Variants in VAT1L observed in about 807,000 individuals in gnomAD.
The protein encoded by VAT1L is vesicle amine transport 1 like.
Under a neutral mutation model 44.1 loss-of-function variants are expected in VAT1L, and 34 were observed. The ratio of observed to expected loss-of-function variants is 0.77; its 90% CI spans 0.59 to 1.03. VAT1L has a LOEUF of 1.03. Among genes scored for constraint, VAT1L ranks in the 50% least tolerant of loss-of-function variants. The pLI is 0.00. For synonymous variants in VAT1L, 253 were observed against 202.2 expected, an observed-to-expected ratio of 1.25 and a Z score of -2.13; for missense variants, 615 against 538.8, an observed-to-expected ratio of 1.14 and a Z score of -1.40.
At chr16:77,933,335 C>T (rs2017753794) in intron 7 of VAT1L, among the ~76,000 whole-genome samples, 1 of 152,152 alleles carries the variant, frequency 6.6e-6, no homozygotes, top group Admixed American at 6.5e-5. Context: ...CTTCCTGACT[C>T]CAAAAACTGT....
chr16:77,862,804 A>T lies in VAT1L; in HGVS notation c.636A>T (p.Thr212=). Residue 212 remains threonine (T), a synonymous_variant, in exon 4 of 9, where the codon ACA becomes ACT. Transcript: ENST00000302536. ...STVPNVTVFG[T]ASTFKHEAIK... is the part of the protein sequence containing the mutation. ...TCCCCAACGTGACTGTCTTTGGAAC[A>T]GCCTCTACTTTCAAGCATGAAGCAA... is the stretch of plus-strand genomic sequence containing the variant. The T allele has an allele frequency of 6.2e-7, 1 of 1,614,060 alleles. No individual in the cohort carries two copies. Among genetic ancestry groups the T allele is most frequent in the Non-Finnish European group, 8.5e-7 (1 of 1,180,010 alleles).
chr16:77,792,954 C>A (rs1027358568), intron 1 of VAT1L, among the ~76,000 whole-genome samples: 2 of 152,146 alleles, frequency 1.3e-5, no homozygotes, highest in African/African-American at 2.4e-5. Flanking sequence ...ATTATCTAAA[C>A]TTTTACTTTT....
rs147849420 is a variant in VAT1L at position 77,888,072 on chromosome 16, C to T, written c.1077+3270C>T. On this transcript the variant is annotated intron_variant, in intron 7 of 8. Coordinates refer to ENST00000302536, the MANE Select transcript of VAT1L (RefSeq NM_020927.3). ...CTTCTATTTTGAACACTCCTTTTCC[C>T]AATTTTTGACAGTCTGCTTCCTTCA... Among the ~76,000 whole-genome samples, 429 of 152,274 alleles carry T rather than the reference C, an allele frequency of 2.8e-3. 1 individual carries two copies. The highest frequency in any genetic ancestry group is 9.2e-3 in the African/African-American group (381 of 41,546).
chr16:77,874,144 C>T (rs985661405), intron 4 of VAT1L, among the ~76,000 whole-genome samples: 11 of 152,050 alleles, frequency 7.2e-5, no homozygotes, highest in Non-Finnish European at 1.5e-4. Context: ...ATCATGGGTA[C>T]AGCAGGAGGT....
intron 7 of VAT1L, among the ~76,000 whole-genome samples, chr16:77,954,214 C>T (rs1021704159): frequency 6.6e-6 from 1 of 152,186 alleles, no homozygotes; most frequent in African/African-American, 2.4e-5. Context: ...AAGCTGAGAT[C>T]CGATTTCTTG....
At chr16:77,804,573 A>G (rs1047887804) in intron 1 of VAT1L, among the ~76,000 whole-genome samples, 11 of 152,158 alleles carry the variant, frequency 7.2e-5, no homozygotes, top group Non-Finnish European at 1.2e-4. Context: ...CCCAAGCTAT[A>G]TTACCCTCAT....
intron 7 of VAT1L, among the ~76,000 whole-genome samples, chr16:77,969,585 T>C (rs1482552827): frequency 6.6e-6 from 1 of 151,608 alleles, no homozygotes; most frequent in Non-Finnish European, 1.5e-5. Context: ...GCATCAAGAG[T>C]TAGAGAAAGA....
chr16:77,812,040 C>G lies in VAT1L; in HGVS notation c.234-4881C>G, dbSNP rs528544933. Among the ~76,000 whole-genome samples, 12 of 151,690 alleles carry G rather than the reference C, an allele frequency of 7.9e-5. No individual in the cohort carries two copies. The South Asian group carries it at 2.3e-3, about 29-fold the overall frequency. On this transcript the variant is annotated intron_variant, in intron 1 of 8. Coordinates refer to ENST00000302536, the MANE Select transcript of VAT1L (RefSeq NM_020927.3). The stretch of plus-strand genomic sequence containing the variant: ...GGGATTAAAACCCAAGCACCTGCAT[C>G]TGTTTCTTTTCACTGTTTCCTTTCA...
At chr16:77,975,824 G>A (rs1350840468) in intron 8 of VAT1L, among the ~76,000 whole-genome samples, 1 of 152,210 alleles carries the variant, frequency 6.6e-6, no homozygotes, top group Non-Finnish European at 1.5e-5. Flanking sequence ...GGGCAGCCCT[G>A]CCCCAGTCCT....
At chr16:77,894,712 G>A (rs2017303253) in intron 7 of VAT1L, among the ~76,000 whole-genome samples, 1 of 152,152 alleles carries the variant, frequency 6.6e-6, no homozygotes, top group Non-Finnish European at 1.5e-5. Context: ...TATAGCATAT[G>A]AATTATATAT....
intron 7 of VAT1L, among the ~76,000 whole-genome samples, chr16:77,915,904 G>A (rs2017547279): frequency 6.6e-6 from 1 of 152,202 alleles, no homozygotes; most frequent in South Asian, 2.1e-4. Flanking sequence ...GCATTGTCAA[G>A]CCAGCTACTC....
At chr16:77,877,512 C>CA (rs55704400) in intron 5 of VAT1L, among the ~76,000 whole-genome samples, 6,139 of 85,866 alleles carry the variant, frequency 0.071, 1,122 homozygotes, top group Non-Finnish European at 0.11. Context: ...GACTCTGTCT[C>CA]AAAAAAAAAA....
intron 7 of VAT1L, among the ~76,000 whole-genome samples, chr16:77,958,100 C>G (rs553321149): frequency 2.0e-5 from 3 of 152,118 alleles, no homozygotes; most frequent in African/African-American, 7.2e-5. Flanking sequence ...TAGAGATGAG[C>G]ATTTGCCATG....
At chr16:77,917,308 G>A (rs2017562303) in intron 7 of VAT1L, among the ~76,000 whole-genome samples, 1 of 152,146 alleles carries the variant, frequency 6.6e-6, no homozygotes, top group Admixed American at 6.6e-5. Context: ...TGAGCTCTAA[G>A]ATGTAGCCAT....
chr16:77,878,869 C>T (rs183277170), intron 5 of VAT1L, among the ~76,000 whole-genome samples: 1 of 152,286 alleles, frequency 6.6e-6, no homozygotes, highest in East Asian at 1.9e-4. Context: ...AAAGACATTT[C>T]AGCAACTCAT....
chr16:77,907,085 C>A (rs569469125), intron 7 of VAT1L, among the ~76,000 whole-genome samples: 1 of 152,174 alleles, frequency 6.6e-6, no homozygotes, highest in Non-Finnish European at 1.5e-5. Context: ...TAACAACCAG[C>A]CCTAGCGGGG....
At chr16:77,900,638 T>G (rs1450960825) in intron 7 of VAT1L, among the ~76,000 whole-genome samples, 1 of 148,858 alleles carries the variant, frequency 6.7e-6, no homozygotes, top group Non-Finnish European at 1.5e-5. Flanking sequence ...GAGGTTGCAG[T>G]GAGCTGAAAT....
chr16:77,790,181 T>C (rs113079141), intron 1 of VAT1L, among the ~76,000 whole-genome samples: 17 of 152,256 alleles, frequency 1.1e-4, no homozygotes, highest in African/African-American at 3.9e-4. Flanking sequence ...AAGCAGCTAG[T>C]GGGAGAAGCA....
intron 7 of VAT1L, among the ~76,000 whole-genome samples, chr16:77,930,795 C>T (rs1290229285): frequency 6.6e-6 from 1 of 152,098 alleles, no homozygotes; most frequent in Non-Finnish European, 1.5e-5. Flanking sequence ...TGTTCTCTCT[C>T]CTACCCAGTG....
Sources: gnomAD v4.1 joint callset for allele counts (sites outside exome capture counted in the v4.1 genomes callset) on GRCh38, gnomAD v4.1.1 for gene constraint, MANE v1.5 for transcripts, NCBI Gene and HGNC (gene_info 2026-07-23, HGNC 2026-07-21) for gene names.